The following ZNF354A variants were observed in gnomAD, a reference collection of about 807,000 sequenced individuals.
ZNF354A encodes epididymis luminal protein 104.
Under a neutral mutation model 53.3 loss-of-function variants are expected in ZNF354A, and 25 were observed. The observed-to-expected ratio is 0.47, with a 90% CI of 0.34 to 0.66. The LOEUF is 0.66. ZNF354A is among the 30% of genes least tolerant of loss of function. The probability of loss-of-function intolerance (pLI) is 0.01; values close to 1 mark genes in which losing one functional copy is unlikely to be tolerated. For synonymous variants in ZNF354A, 228 were observed against 249.0 expected (o/e 0.92, Z 0.79); for missense variants, 586 against 716.8 (o/e 0.82, Z 2.08).
At position 178,712,265 on chromosome 5, in the gene ZNF354A, A is replaced by G. The variant is rs1765633081; in HGVS notation, c.1613T>C (p.Ile538Thr). ...GISFGQSSAL[I>T]QHRRIHTGEK... is the part of the protein sequence containing the mutation. ...TCCTGTATGAATCCTTCGATGCTGA[A>G]TAAGAGCTGAACTTTGGCCAAAAGA... The change falls in exon 5 of 5, where the codon ATT (isoleucine) becomes ACT (threonine). Residue 538 changes from isoleucine (I) to threonine (T), a missense_variant. Ile to Thr is a moderately conservative substitution (Grantham distance 89). Around this residue, in one of 2 missense-constraint regions of ZNF354A, gnomAD observed 573 missense variants for 680.1 expected, o/e 0.84. Transcript: ENST00000335815. 5.0e-6 allele frequency: 8 copies of G among 1,613,970 alleles called. No individual in the cohort carries two copies. The highest frequency in any genetic ancestry group is 2.7e-5 in the African/African-American group (2 of 74,928).
intron 4 of ZNF354A, among the ~76,000 whole-genome samples, chr5:178,714,940 A>G (rs576245330): frequency 6.6e-6 from 1 of 152,354 alleles, no homozygotes; most frequent in Non-Finnish European, 1.5e-5. Context: ...ACAGGCCTAG[A>G]GCCAAGAGGT....
intron 3 of ZNF354A, chr5:178,726,333 CAG>C (rs1449339259): frequency 1.6e-5 from 6 of 370,656 alleles, no homozygotes; most frequent in East Asian, 1.7e-4. Context: ...TTTTTTGAGA[CAG>C]AGTCTCGCTT....
At position 178,712,199 on chromosome 5, in the gene ZNF354A, C is replaced by G. The variant is rs1375324919; in HGVS notation, c.1679G>C (p.Arg560Thr). ...ATGTGCAATACGTGATGAGCTTTGTCTAAAAGTTTTTCCACATGTATTACA... is the reference window on the plus strand; with the variant it reads ...ATGTGCAATACGTGATGAGCTTTGTGTAAAAGTTTTTCCACATGTATTACA... ...FKCNTCGKTF[R>T]QSSSRIAHQR... Residue 560 changes from arginine (R) to threonine (T), a missense_variant, in exon 5 of 5, where the codon AGA (arginine) becomes ACA (threonine). Coordinates refer to ENST00000335815, the MANE Select transcript of ZNF354A (RefSeq NM_005649.3). The G allele has an allele frequency of 6.2e-7, 1 of 1,614,056 alleles. No homozygotes were observed. Among genetic ancestry groups the G allele is most frequent in the Admixed American group, 1.7e-5 (1 of 60,016 alleles).
chr5:178,723,248 A>G (rs1765845703), intron 4 of ZNF354A, among the ~76,000 whole-genome samples: 1 of 152,226 alleles, frequency 6.6e-6, no homozygotes, highest in South Asian at 2.1e-4. Flanking sequence ...CCTGCCCTGC[A>G]GCTCCTTGCT....
chr5:178,721,949 C>T (rs750568377), intron 4 of ZNF354A, among the ~76,000 whole-genome samples: 10 of 152,134 alleles, frequency 6.6e-5, no homozygotes, highest in Admixed American at 2.0e-4. Flanking sequence ...CCCTCAGCCC[C>T]CTCATCTAAT....
intron 4 of ZNF354A, among the ~76,000 whole-genome samples, chr5:178,714,342 C>A (rs1765678968): frequency 6.6e-6 from 1 of 152,074 alleles, no homozygotes; most frequent in African/African-American, 2.4e-5. Context: ...GTCCCTCCAC[C>A]CCATGTCAAA....
rs1271501964 is a variant in ZNF354A at position 178,712,247 on chromosome 5, T to C, written c.1631A>G (p.His544Arg). The C allele has an allele frequency of 1.2e-6, 2 of 1,614,048 alleles. No individual in the cohort carries two copies. Among genetic ancestry groups the C allele is most frequent in the East Asian group, 2.2e-5 (1 of 44,874 alleles). ...ACATTTAAAGGGTTTTTCTCCTGTA[T>C]GAATCCTTCGATGCTGAATAAGAGC... ...SSALIQHRRI[H>R]TGEKPFKCNT... Residue 544 changes from histidine to arginine, a missense_variant, in exon 5 of 5, where the codon CAT (histidine) becomes CGT (arginine). Coordinates refer to ENST00000335815, the MANE Select transcript of ZNF354A (RefSeq NM_005649.3).
intron 4 of ZNF354A, among the ~76,000 whole-genome samples, chr5:178,717,077 CAAAAAAA>C (rs5873633): frequency 1.5e-5 from 1 of 65,522 alleles, no homozygotes; most frequent in East Asian, 4.1e-4. Flanking sequence ...GACTCCATCT[CAAAAAAA>C]AAAAAAAAAA....
In ZNF354A at chr5:178,727,135, C is replaced by G; in HGVS notation, c.34-10G>C. 2 of 1,609,582 alleles carry G rather than the reference C, an allele frequency of 1.2e-6. No individual in the cohort carries two copies. The highest frequency in any genetic ancestry group is 1.7e-6 in the Non-Finnish European group (2 of 1,177,674). On this transcript the variant is annotated splice_polypyrimidine_tract_variant and intron_variant, in intron 2 of 4. Coordinates refer to ENST00000335815, the MANE Select transcript of ZNF354A (RefSeq NM_005649.3). ...CAAACGTCAGTGACACCTGTAAGGA[C>G]AAGTCGTTCCAGCTCACCCAGGACC... is the stretch of plus-strand genomic sequence containing the variant.
intron 4 of ZNF354A, among the ~76,000 whole-genome samples, chr5:178,721,155 GCTTTT>G (rs978028719): frequency 2.0e-5 from 3 of 148,098 alleles, no homozygotes; most frequent in African/African-American, 7.5e-5. Flanking sequence ...TTTTTCTTTT[GCTTTT>G]ATCTTTCTAA....
Position 178,711,570 on chromosome 5 carries a change from G to A in ZNF354A, c.*490C>T, listed in dbSNP as rs1453318521. 1 of 152,770 alleles carries A rather than the reference G, an allele frequency of 6.5e-6. No individual in the cohort carries two copies. Among genetic ancestry groups the A allele is most frequent in the Non-Finnish European group, 1.5e-5 (1 of 68,230 alleles). The allele number at this position is 152,770 out of a possible 1,614,324, so 9.5% of individuals were successfully genotyped here. A position where few individuals can be genotyped will look rare whatever the true frequency, so the allele number is the denominator to read the frequency against. ...TAAGTTTGACATCAGGGTAGGAAAA[G>A]GACAAACCCCAGAGACTGAGAGGTA... On this transcript the variant is annotated 3_prime_UTR_variant, in exon 5 of 5. Coordinates refer to ENST00000335815, the MANE Select transcript of ZNF354A (RefSeq NM_005649.3).
intron 2 of ZNF354A, among the ~76,000 whole-genome samples, chr5:178,727,773 A>C (rs148789413): frequency 1.3e-5 from 2 of 152,356 alleles, no homozygotes; most frequent in Admixed American, 1.3e-4. Flanking sequence ...ACACAAGAGA[A>C]AACAAAGTCA....
chr5:178,728,579 C>T (rs1405094315), intron 2 of ZNF354A, among the ~76,000 whole-genome samples: 1 of 151,060 alleles, frequency 6.6e-6, no homozygotes, highest in African/African-American at 2.4e-5. Flanking sequence ...CACCTGAGGT[C>T]AGGAGTTTGA....
At chr5:178,725,585 G>A in intron 3 of ZNF354A, 114 bp from the exon 4 acceptor site, 1 of 1,105,490 alleles carries the variant, frequency 9.0e-7, no homozygotes. Context: ...CTTCTGTGTA[G>A]GGCTTCAGTT....
At chr5:178,725,995 A>T in intron 3 of ZNF354A, 2 of 320,300 alleles carry the variant, frequency 6.2e-6, no homozygotes, top group South Asian at 5.0e-5. Flanking sequence ...CTACAGGAAC[A>T]TGCCACCACG....
Position 178,730,570 on chromosome 5 carries a change from G to C in ZNF354A, c.-66C>G, listed in dbSNP as rs897203527. 2 of 151,914 alleles carry C rather than the reference G, an allele frequency of 1.3e-5. No individual in the cohort carries two copies. Among genetic ancestry groups the C allele is most frequent in the Admixed American group, 6.6e-5 (1 of 15,254 alleles). The allele number at this position is 151,914 out of a possible 1,614,324, so 9.4% of individuals were successfully genotyped here. ...CCGACGCTCACCTCCCTAAGCTCGAGCGTCCCGGGCCGCGCCTCCCCAGCC... is the reference window on the plus strand; with the variant it reads ...CCGACGCTCACCTCCCTAAGCTCGACCGTCCCGGGCCGCGCCTCCCCAGCC... On this transcript the variant is annotated 5_prime_UTR_variant, in exon 1 of 5. Transcript: ENST00000335815.
chr5:178,715,629 G>A (rs1382224036), intron 4 of ZNF354A, among the ~76,000 whole-genome samples: 1 of 152,134 alleles, frequency 6.6e-6, no homozygotes, highest in Non-Finnish European at 1.5e-5. Flanking sequence ...GTGAATATCG[G>A]TCGTTGTTTC....
At chr5:178,717,998 C>T (rs576924516) in intron 4 of ZNF354A, among the ~76,000 whole-genome samples, 17 of 152,240 alleles carry the variant, frequency 1.1e-4, no homozygotes, top group Non-Finnish European at 2.2e-4. Context: ...ACATCAAGAG[C>T]AGAAACCCTT....
intron 4 of ZNF354A, among the ~76,000 whole-genome samples, chr5:178,716,306 C>T (rs1282787827): frequency 6.6e-6 from 1 of 152,152 alleles, no homozygotes; most frequent in Non-Finnish European, 1.5e-5. Flanking sequence ...GACTCTTAGG[C>T]GTCCTTAACA....
Sources: gnomAD v4.1 joint callset for allele counts (sites outside exome capture counted in the v4.1 genomes callset) on GRCh38, gnomAD v4.1.1 for gene constraint, gnomAD v4.1.1 regional missense constraint, MANE v1.5 for transcripts, NCBI Gene and HGNC (gene_info 2026-07-23, HGNC 2026-07-21) for gene names.